ARHGAP31: variants seen among roughly 807,000 people sequenced by gnomAD.
ARHGAP31 encodes rho GTPase-activating protein 31.
A neutral mutation model predicts 113.9 loss-of-function variants in ARHGAP31; 34 were observed. The observed-to-expected ratio is 0.30, with a 90% CI of 0.23 to 0.40. ARHGAP31 has a LOEUF of 0.40. ARHGAP31 is among the 10% of genes least tolerant of loss of function. The probability of loss-of-function intolerance (pLI) is 1.00; values close to 1 mark genes in which losing one functional copy is unlikely to be tolerated. For missense variants in ARHGAP31, 1,548 were observed against 1,767.1 expected (o/e 0.88, Z 2.22); for synonymous variants, 650 against 684.8 (o/e 0.95, Z 0.79).
chr3:119,410,152 CCTT>C (rs1206478691), intron 11 of ARHGAP31, among the ~76,000 whole-genome samples: 1 of 152,202 alleles, frequency 6.6e-6, no homozygotes, highest in Non-Finnish European at 1.5e-5. Flanking sequence ...CAGAGTCCAG[CCTT>C]CTTCTTCTGG....
rs2079520218 is a variant in ARHGAP31 at position 119,294,994 on chromosome 3, G to A, written c.90G>A (p.Ser30=). 3 of 1,614,132 alleles carry A rather than the reference G, an allele frequency of 1.9e-6. No individual in the cohort carries two copies. Among genetic ancestry groups the A allele is most frequent in the Non-Finnish European group, 2.5e-6 (3 of 1,180,018 alleles). The change falls in exon 1 of 12, where the codon TCG becomes TCA. Residue 30 remains serine (S), a synonymous_variant. Transcript: ENST00000264245. ...GCDLTEYLES[S]GQDVPYVLKS... ...ACCTGACGGAGTATCTGGAAAGCTC[G>A]GGACAGGATGGTAATGTGCCTTGGC...
chr3:119,296,467 G>T (rs1432886873), intron 1 of ARHGAP31, among the ~76,000 whole-genome samples: 1 of 152,188 alleles, frequency 6.6e-6, no homozygotes, highest in Non-Finnish European at 1.5e-5. Flanking sequence ...ACAATGAAAG[G>T]TTCCTCTTCA....
At chr3:119,383,324 C>T (rs1345758375) in intron 6 of ARHGAP31, 98 bp downstream of exon 6, 2 of 1,494,718 alleles carry the variant, frequency 1.3e-6, no homozygotes, top group South Asian at 1.1e-5. Context: ...TTAGTTCTAG[C>T]TCTGAGTGTT....
chr3:119,351,792 C>G (rs551605992), intron 1 of ARHGAP31, among the ~76,000 whole-genome samples: 1 of 152,170 alleles, frequency 6.6e-6, no homozygotes, highest in Admixed American at 6.5e-5. Context: ...CACATGCGGC[C>G]GTTCTCTGTA....
intron 3 of ARHGAP31, among the ~76,000 whole-genome samples, chr3:119,371,785 G>C (rs1398789043): frequency 6.6e-6 from 1 of 152,144 alleles, no homozygotes; most frequent in Non-Finnish European, 1.5e-5. Context: ...GTAGTCCCCA[G>C]TGTCTGTTGT....
At chr3:119,362,795 G>T (rs1473259776) in intron 1 of ARHGAP31, among the ~76,000 whole-genome samples, 1 of 151,452 alleles carries the variant, frequency 6.6e-6, no homozygotes, top group African/African-American at 2.4e-5. Context: ...GCGGGGGGTG[G>T]AGTAGAGATG....
intron 1 of ARHGAP31, among the ~76,000 whole-genome samples, chr3:119,332,635 TCACACACACA>T (rs71156743): frequency 0.022 from 1,863 of 85,630 alleles, 37 homozygotes; most frequent in African/African-American, 0.075. Context: ...TCTCTCTCTC[TCACACACACA>T]CACACACACA....
intron 1 of ARHGAP31, 21 bp downstream of exon 1, chr3:119,295,025 T>TC: frequency 6.2e-7 from 1 of 1,608,214 alleles, no homozygotes; most frequent in Non-Finnish European, 8.5e-7. Flanking sequence ...TTGGCCTTTC[T>TC]CCCCCGCCCC....
intron 11 of ARHGAP31, 79 bp downstream of exon 11, chr3:119,409,855 TG>T: frequency 6.9e-7 from 1 of 1,442,888 alleles, no homozygotes; most frequent in African/African-American, 1.4e-5. Flanking sequence ...TAAAGTAAAT[TG>T]AAAAAAAATT....
rs2080417869 is a variant in ARHGAP31 at position 119,383,179 on chromosome 3, T to C, written c.635T>C (p.Val212Ala). 3 of 1,614,132 alleles carry C rather than the reference T, an allele frequency of 1.9e-6. No individual in the cohort carries two copies. Among genetic ancestry groups the C allele is most frequent in the Non-Finnish European group, 1.7e-6 (2 of 1,180,046 alleles). Residue 212 changes from valine to alanine, a missense_variant, in exon 6 of 12, where the codon GTA (valine) becomes GCA (alanine). Transcript: ENST00000264245. Reference sequence around the variant, plus strand: ...GTGATTGAGTTCATATTGAATCATGTAGATCAAATCTTTAACAACGGTGCA... The same window carrying C: ...GTGATTGAGTTCATATTGAATCATGCAGATCAAATCTTTAACAACGGTGCA... ...QVVIEFILNH[V>A]DQIFNNGAPG... is the part of the protein sequence containing the mutation.
At position 119,414,072 on chromosome 3, in the gene ARHGAP31, C is replaced by G. The variant is rs763861626; in HGVS notation, c.2143C>G (p.Leu715Val). The G allele has an allele frequency of 3.1e-6, 5 of 1,614,074 alleles. No individual in the cohort carries two copies. The African/African-American group carries it at 5.3e-5, about 17-fold the overall frequency. Residue 715 changes from leucine (L) to valine (V), a missense_variant, in exon 12 of 12, where the codon CTG becomes GTG. Coordinates refer to ENST00000264245, the MANE Select transcript of ARHGAP31 (RefSeq NM_020754.4). ...CTTCCCTGCTCCAGTCTCCACCCCT[C>G]TGGAGGTGTGGACTAGGGATCCAGC... The part of the protein sequence containing the change: ...GSFPAPVSTP[L>V]EVWTRDPANQ...
chr3:119,390,760 C>T (rs777754976), intron 6 of ARHGAP31, 25 bp from the exon 7 acceptor site: 1 of 1,609,318 alleles, frequency 6.2e-7, no homozygotes, highest in Non-Finnish European at 8.5e-7. Flanking sequence ...TCCTCCAACA[C>T]TGAGCTCTTC....
intron 1 of ARHGAP31, among the ~76,000 whole-genome samples, chr3:119,337,504 G>A (rs191670257): frequency 6.3e-4 from 96 of 152,286 alleles, no homozygotes; most frequent in Admixed American, 2.5e-3. Flanking sequence ...CAATACTGAC[G>A]GGACCCAAAT....
At chr3:119,315,165 C>T (rs953901217) in intron 1 of ARHGAP31, among the ~76,000 whole-genome samples, 2 of 152,212 alleles carry the variant, frequency 1.3e-5, no homozygotes, top group Non-Finnish European at 2.9e-5. Flanking sequence ...TCTGTGTATA[C>T]TGCTGTTACC....
intron 1 of ARHGAP31, among the ~76,000 whole-genome samples, chr3:119,313,256 T>C (rs1236082366): frequency 2.0e-5 from 3 of 152,238 alleles, no homozygotes; most frequent in Non-Finnish European, 4.4e-5. Flanking sequence ...ACTAGTGTTA[T>C]TTTCTTGGAA....
intron 3 of ARHGAP31, among the ~76,000 whole-genome samples, chr3:119,379,877 C>T (rs1193299378): frequency 6.6e-6 from 1 of 152,238 alleles, no homozygotes; most frequent in African/African-American, 2.4e-5. Context: ...GGTTCAGGCA[C>T]TGCTCAGATG....
At chr3:119,384,814 C>T (rs1577022860) in intron 6 of ARHGAP31, among the ~76,000 whole-genome samples, 1 of 152,178 alleles carries the variant, frequency 6.6e-6, no homozygotes, top group South Asian at 2.1e-4. Context: ...AATCACTCCA[C>T]ATTTTCCTCC....
Position 119,415,103 on chromosome 3 carries a change from G to A in ARHGAP31, c.3174G>A (p.Arg1058=), listed in dbSNP as rs761179286. 1.3e-5 allele frequency: 21 copies of A among 1,614,082 alleles called. No individual in the cohort carries two copies. The highest frequency in any genetic ancestry group is 1.7e-5 in the Non-Finnish European group (20 of 1,180,044). Residue 1058 remains arginine, a synonymous_variant, in exon 12 of 12, where the codon AGG becomes AGA. Coordinates refer to ENST00000264245, the MANE Select transcript of ARHGAP31 (RefSeq NM_020754.4). ...THLGHSSPQI[R]QGGVPGPESS... is the part of the protein sequence containing the mutation. ...TGGGGCACAGCAGTCCACAGATTAGGCAAGGTGGTGTTCCTGGGCCAGAGA... is the reference window on the plus strand; with the variant it reads ...TGGGGCACAGCAGTCCACAGATTAGACAAGGTGGTGTTCCTGGGCCAGAGA...
chr3:119,385,607 T>G (rs2080442904), intron 6 of ARHGAP31, among the ~76,000 whole-genome samples: 1 of 152,222 alleles, frequency 6.6e-6, no homozygotes, highest in South Asian at 2.1e-4. Flanking sequence ...CACAAAAAAT[T>G]TATTGGGGAT....
Sources: allele counts gnomAD v4.1 joint callset (sites outside exome capture counted in the v4.1 genomes callset), GRCh38; gene constraint gnomAD v4.1.1; transcripts MANE v1.5; gene names NCBI Gene and HGNC (gene_info 2026-07-23, HGNC 2026-07-21).